The following ZNF33A variants were observed in gnomAD, a reference collection of about 807,000 sequenced individuals.
ZNF33A encodes the protein zinc finger protein 33A, also known as brain my041 protein.
A neutral mutation model predicts 15.9 loss-of-function variants in ZNF33A; 9 were observed. That is an observed-to-expected ratio of 0.57 (90% confidence interval 0.34 to 0.99). The LOEUF is 0.99. ZNF33A is among the 50% of genes least tolerant of loss of function. The probability of loss-of-function intolerance (pLI) is 0.02; values close to 1 mark genes in which losing one functional copy is unlikely to be tolerated. For missense variants in ZNF33A, 843 were observed against 941.6 expected (o/e 0.90, Z 1.37); for synonymous variants, 294 against 324.2 (o/e 0.91, Z 1.00).
rs2066635350 is a variant in ZNF33A at position 38,060,036 on chromosome 10, A to G, written c.*3476A>G. 1 of 985,254 alleles carries G rather than the reference A, an allele frequency of 1.0e-6. No individual in the cohort carries two copies. The highest frequency in any genetic ancestry group is 1.2e-6 in the Non-Finnish European group (1 of 829,766). 61.0% of individuals were successfully genotyped at this position (985,254 alleles called of 1,614,324 possible). ...CTAAAAAATGAAGTGTATCAAGTAAATAAATAACCAACCAACCAACCCTGA... is the reference window on the plus strand; with the variant it reads ...CTAAAAAATGAAGTGTATCAAGTAAGTAAATAACCAACCAACCAACCCTGA... On this transcript the variant is annotated 3_prime_UTR_variant, in exon 5 of 5. Transcript: ENST00000432900.
chr10:38,048,349 T>C (rs1319324829), intron 4 of ZNF33A, among the ~76,000 whole-genome samples: 1 of 152,178 alleles, frequency 6.6e-6, no homozygotes. Context: ...AAACATAGCC[T>C]AAAAAGGCTG....
Position 38,055,864 on chromosome 10 carries a change from C to A in ZNF33A, c.1740C>A (p.Pro580=), listed in dbSNP as rs1481100176. Residue 580 remains proline, a synonymous_variant, in exon 5 of 5, where the codon CCC becomes CCA. Transcript: ENST00000432900. The part of the protein sequence containing the change: ...QHYRTHTGEK[P]YECHECGKIF... ...ATAGAACACACACAGGGGAGAAACC[C>A]TACGAATGTCATGAATGTGGAAAAA... 1.3e-5 allele frequency: 21 copies of A among 1,613,986 alleles called. No individual in the cohort carries two copies. Among genetic ancestry groups the A allele is most frequent in the Non-Finnish European group, 1.6e-5 (19 of 1,179,964 alleles).
At chr10:38,023,353 C>G (rs890077366) in intron 4 of ZNF33A, among the ~76,000 whole-genome samples, 9 of 152,018 alleles carry the variant, frequency 5.9e-5, no homozygotes, top group Non-Finnish European at 1.2e-4. Context: ...AATTTAGTAG[C>G]AAAAATCTTT....
intron 4 of ZNF33A, among the ~76,000 whole-genome samples, chr10:38,018,389 G>T (rs913164969): frequency 1.3e-5 from 2 of 152,088 alleles, no homozygotes; most frequent in African/African-American, 4.8e-5. Flanking sequence ...GTGGGTTTCA[G>T]GAATAACCAA....
chr10:38,012,314 G>C lies in ZNF33A; in HGVS notation c.-28G>C. ...CTAACTCAGCTGTATCTTCAGAGTT[G>C]TCTCCGTCTTTCCAAGAACAGAACA... On this transcript the variant is annotated 5_prime_UTR_variant, in exon 2 of 5. Transcript: ENST00000432900. The C allele has an allele frequency of 6.2e-7, 1 of 1,611,854 alleles. No individual in the cohort carries two copies. Among genetic ancestry groups the C allele is most frequent in the South Asian group, 1.1e-5 (1 of 90,676 alleles).
chr10:38,012,474 C>T (rs2064233849), intron 2 of ZNF33A, 124 bp downstream of exon 2: 1 of 1,180,920 alleles, frequency 8.5e-7, no homozygotes, highest in Non-Finnish European at 1.2e-6. Context: ...CTCTGTCACC[C>T]AGGCTGGAGT....
chr10:38,047,603 C>A (rs375045526), intron 4 of ZNF33A, among the ~76,000 whole-genome samples: 1 of 123,612 alleles, frequency 8.1e-6, no homozygotes, highest in Admixed American at 1.0e-4. Flanking sequence ...TCCAGCCTGG[C>A]GATAGAGCAA....
chr10:38,067,225 G>A (rs1011051159), downstream of ZNF33A, among the ~76,000 whole-genome samples: 1 of 151,846 alleles, frequency 6.6e-6, no homozygotes, highest in Non-Finnish European at 1.5e-5. Context: ...ATTGGTAAAA[G>A]GCAGAGATAG....
Position 38,018,175 on chromosome 10 carries a change from G to C in ZNF33A, c.250+789G>C, listed in dbSNP as rs148507976. On this transcript the variant is annotated intron_variant, in intron 4 of 4. Coordinates refer to ENST00000432900, the MANE Select transcript of ZNF33A (RefSeq NM_006954.2). Reference sequence around the variant, plus strand: ...ACCTATATGTATATGTATATTAAATGTTCTGTGGTTTTAAAGACTATGAAA... The same window carrying C: ...ACCTATATGTATATGTATATTAAATCTTCTGTGGTTTTAAAGACTATGAAA... Among the ~76,000 whole-genome samples, 732 of 152,310 alleles carry C rather than the reference G, an allele frequency of 4.8e-3. 1 individual carries two copies. Among genetic ancestry groups the C allele is most frequent in the Non-Finnish European group, 8.0e-3 (546 of 68,034 alleles).
chr10:38,050,747 C>G (rs2066165713), intron 4 of ZNF33A, among the ~76,000 whole-genome samples: 3 of 152,238 alleles, frequency 2.0e-5, no homozygotes, highest in Admixed American at 6.5e-5. Context: ...CTCCCCTGAG[C>G]CTGTCCCTCT....
At chr10:38,052,144 G>C (rs1005281415) in intron 4 of ZNF33A, among the ~76,000 whole-genome samples, 1 of 152,124 alleles carries the variant, frequency 6.6e-6, no homozygotes, top group East Asian at 1.9e-4. Context: ...AAAGAAAGGA[G>C]ATTAGAATAG....
chr10:38,024,208 A>C (rs1273796004), intron 4 of ZNF33A, among the ~76,000 whole-genome samples: 2 of 151,892 alleles, frequency 1.3e-5, no homozygotes, highest in Non-Finnish European at 2.9e-5. Context: ...CCCAGAAAGA[A>C]TGAATGATTT....
chr10:38,047,277 C>CT (rs2065988731), intron 4 of ZNF33A, among the ~76,000 whole-genome samples: 1 of 146,174 alleles, frequency 6.8e-6, no homozygotes, highest in Admixed American at 6.9e-5. Context: ...GATTACTGAA[C>CT]TTAGCATAGT....
Position 38,056,299 on chromosome 10 carries a change from A to G in ZNF33A, c.2175A>G (p.Glu725=), listed in dbSNP as rs1204831463. ...GAGAGAAATCTTGTCAATGTAATGAATGTGGAAAAATCTTTTACCGTAAAT... is the reference window on the plus strand; with the variant it reads ...GAGAGAAATCTTGTCAATGTAATGAGTGTGGAAAAATCTTTTACCGTAAAT... ...HTGEKSCQCN[E]CGKIFYRKSE... Residue 725 remains glutamate, a synonymous_variant, in exon 5 of 5, where the codon GAA becomes GAG. Transcript: ENST00000432900. The G allele has an allele frequency of 6.2e-7, 1 of 1,614,176 alleles. No homozygotes were observed. The highest frequency in any genetic ancestry group is 1.3e-5 in the African/African-American group (1 of 75,062).
intron 4 of ZNF33A, among the ~76,000 whole-genome samples, chr10:38,029,148 G>A (rs1397863058): frequency 1.3e-5 from 2 of 152,078 alleles, no homozygotes; most frequent in African/African-American, 2.4e-5. Flanking sequence ...AACTTTATTG[G>A]AAATCTTTAT....
At position 38,012,304 on chromosome 10, in the gene ZNF33A, C is replaced by T. The variant is rs758601856; in HGVS notation, c.-38C>T. The T allele has an allele frequency of 6.2e-7, 1 of 1,611,216 alleles. No individual in the cohort carries two copies. Among genetic ancestry groups the T allele is most frequent in the Non-Finnish European group, 8.5e-7 (1 of 1,179,288 alleles). ...TCCTCTTTTTCTAACTCAGCTGTATCTTCAGAGTTGTCTCCGTCTTTCCAA... is the reference window on the plus strand; with the variant it reads ...TCCTCTTTTTCTAACTCAGCTGTATTTTCAGAGTTGTCTCCGTCTTTCCAA... On this transcript the variant is annotated 5_prime_UTR_variant, in exon 2 of 5. Coordinates refer to ENST00000432900, the MANE Select transcript of ZNF33A (RefSeq NM_006954.2).
At chr10:38,014,029 T>G (rs2064326331) in intron 2 of ZNF33A, among the ~76,000 whole-genome samples, 1 of 141,856 alleles carries the variant, frequency 7.0e-6, no homozygotes, top group Non-Finnish European at 1.5e-5. Context: ...AATTTAATGA[T>G]GTCTGATTTT....
At chr10:38,029,065 C>T (rs760703234) in intron 4 of ZNF33A, among the ~76,000 whole-genome samples, 13 of 152,034 alleles carry the variant, frequency 8.6e-5, no homozygotes, top group African/African-American at 1.2e-4. Flanking sequence ...TTTTAAGTCC[C>T]GCAGGAAGTA....
chr10:38,042,069 G>A (rs1429002889), intron 4 of ZNF33A, among the ~76,000 whole-genome samples: 2 of 152,040 alleles, frequency 1.3e-5, no homozygotes, highest in Non-Finnish European at 1.5e-5. Flanking sequence ...GTATCTATTC[G>A]TAGAGTTTGT....
Sources: allele counts gnomAD v4.1 joint callset (sites outside exome capture counted in the v4.1 genomes callset), GRCh38; gene constraint gnomAD v4.1.1; transcripts MANE v1.5; gene names NCBI Gene and HGNC (gene_info 2026-07-23, HGNC 2026-07-21).